The following HARS1 variants were observed in gnomAD, a reference collection of about 807,000 sequenced individuals.
The protein encoded by HARS1 is histidyl-tRNA synthetase 1, also known as histidine--tRNA ligase, cytoplasmic.
HARS1 carries 45 observed loss-of-function variants against 63.6 expected under a neutral mutation model. The ratio of observed to expected loss-of-function variants is 0.71; its 90% CI spans 0.56 to 0.91. The LOEUF is 0.91. HARS1 is among the 40% of genes least tolerant of loss of function. The pLI is 0.00. For missense variants in HARS1, 508 were observed against 643.2 expected (o/e 0.79, Z 2.27); for synonymous variants, 205 against 247.1 (o/e 0.83, Z 1.60).
At chr5:140,674,973 A>G in intron 11 of HARS1, 44 bp downstream of exon 11, 1 of 1,486,018 alleles carries the variant, frequency 6.7e-7, no homozygotes, top group Non-Finnish European at 9.4e-7. Context: ...GTTTGTGTCC[A>G]GCACACCTAA....
intron 12 of HARS1, 102 bp from the exon 13 acceptor site, chr5:140,674,430 C>T (rs1758231299): frequency 3.2e-6 from 3 of 924,754 alleles, no homozygotes; most frequent in Admixed American, 3.8e-5. Context: ...CTTGTCTCAG[C>T]TGGGAGCAGG....
rs1310566605 is a variant in HARS1, at chr5:140,679,065, T to G, written c.459A>C (p.Ala153=). The change falls in exon 5 of 13, where the codon GCA becomes GCC. Residue 153 remains alanine, a synonymous_variant. Transcript: ENST00000504156. This position sits in a 1 kb window ranked among gnomAD's most constrained non-coding sequence, Gnocchi z 4.3. The part of the protein sequence containing the change: ...KLTNIKRYHI[A]KVYRRDNPAM... ...CTGGGTTATCCCGCCGATATACCTT[T>G]GCTATGTGGTAGCGTTTAATGTTGG... The G allele has an allele frequency of 6.2e-7, 1 of 1,614,126 alleles. No individual in the cohort carries two copies.
intron 2 of HARS1, chr5:140,684,358 A>C: frequency 1.0e-6 from 1 of 983,474 alleles, no homozygotes; most frequent in South Asian, 4.7e-5. Flanking sequence ...AAATACCTAC[A>C]TGATTATAGG....
rs1200977462 is a variant in HARS1, at chr5:140,674,810, T to G, written c.1327A>C (p.Lys443Gln). Reference sequence around the variant, plus strand: ...TGGTTCAGTAGCTTTGGGTTCTTCTTGTACAGCAGCTCAGCCTGCAGGGGA... The same window carrying G: ...TGGTTCAGTAGCTTTGGGTTCTTCTGGTACAGCAGCTCAGCCTGCAGGGGA... The part of the protein sequence containing the change: ...DAGIKAELLY[K>Q]KNPKLLNQLQ... Residue 443 changes from lysine to glutamine, a missense_variant, in exon 12 of 13, where the codon AAG becomes CAG. Around this residue, in one of 2 missense-constraint regions of HARS1, gnomAD observed 403 missense variants for 548.7 expected, o/e 0.73. Transcript: ENST00000504156. 6.2e-7 allele frequency: 1 copy of G among 1,614,060 alleles called. No homozygotes were observed. Among genetic ancestry groups the G allele is most frequent in the Non-Finnish European group, 8.5e-7 (1 of 1,180,028 alleles).
At position 140,676,760 on chromosome 5, in the gene HARS1, T is replaced by C. The variant is rs1402131324; in HGVS notation, c.1088A>G (p.Tyr363Cys). ...GTCGAACATGCCCACTAGCCCATCA[T>C]AGCGTCCTCCAGCAGCCACACTGCC... is the stretch of plus-strand genomic sequence containing the variant. ...GVGSVAAGGR[Y>C]DGLVGMFDPK... The change falls in exon 10 of 13, where the codon TAT (tyrosine) becomes TGT (cysteine). Residue 363 changes from tyrosine to cysteine, a missense_variant. Tyr to Cys is a radical substitution (Grantham distance 194, BLOSUM62 -2). Around this residue, in one of 2 missense-constraint regions of HARS1, gnomAD observed 403 missense variants for 548.7 expected, o/e 0.73. Transcript: ENST00000504156. This position sits in a 1 kb window ranked among gnomAD's most constrained non-coding sequence, Gnocchi z 4.1. The C allele has an allele frequency of 1.2e-6, 2 of 1,614,242 alleles. No homozygotes were observed. The highest frequency in any genetic ancestry group is 1.1e-5 in the South Asian group (1 of 91,086).
intron 1 of HARS1, 129 bp downstream of exon 1, chr5:140,691,086 C>T (rs1759395273): frequency 1.1e-6 from 1 of 901,396 alleles, no homozygotes; most frequent in African/African-American, 1.6e-5. Flanking sequence ...GATGTCTCCC[C>T]ACGCAGCCCA....
At chr5:140,688,793 A>G (rs956365951) in intron 2 of HARS1, among the ~76,000 whole-genome samples, 6 of 152,180 alleles carry the variant, frequency 3.9e-5, no homozygotes, top group African/African-American at 1.4e-4. Context: ...GGTGAACAAT[A>G]TGCTTGATGT....
In HARS1 at chr5:140,677,635, T is replaced by G; in HGVS notation, c.729+20A>C. 6.5e-7 allele frequency: 1 copy of G among 1,535,660 alleles called. No homozygotes were observed. The highest frequency in any genetic ancestry group is 9.0e-7 in the Non-Finnish European group (1 of 1,109,014). The stretch of plus-strand genomic sequence containing the variant: ...GCAGGGTGGGATCTGGGAAAAGAAG[T>G]CAAGTACTTGGGTTGTTACCTTGTC... On this transcript the variant is annotated intron_variant, in intron 7 of 12. Coordinates refer to ENST00000504156, the MANE Select transcript of HARS1 (RefSeq NM_002109.6).
In HARS1 at chr5:140,683,201, GA is replaced by G. The variant is rs772544418; in HGVS notation, c.198del (p.Arg68GlyfsTer12). On this transcript the variant is annotated frameshift_variant, in exon 3 of 13. Transcript: ENST00000504156. LOFTEE classifies it high-confidence loss of function. Reference protein sequence around the residue: ...LKTPKGTRDYSPRQMAVREKV... With the variant: ...LKTPKGTRDYXPRQMAVREKV... ...TTCTCGCGAACTGCCATCTGCCGGG[GA>G]CTATAGTCTCTTGTGCCCTTGGAGT... 16 of 1,613,752 alleles carry G rather than the reference GA, an allele frequency of 9.9e-6. No homozygotes were observed. The highest frequency in any genetic ancestry group is 1.3e-5 in the African/African-American group (1 of 74,934).
chr5:140,676,852 A>T lies in HARS1; in HGVS notation c.996T>A (p.Thr332=). 1.9e-6 allele frequency: 3 copies of T among 1,614,166 alleles called. No individual in the cohort carries two copies. Among genetic ancestry groups the T allele is most frequent in the African/African-American group, 1.3e-5 (1 of 75,058 alleles). The change falls in exon 10 of 13, where the codon ACT becomes ACA. Residue 332 remains threonine (T), a synonymous_variant. Transcript: ENST00000504156. The surrounding 1 kb of genome is among the most constrained non-coding windows in gnomAD (Gnocchi z 4.1). ...LSLARGLDYY[T]GVIYEAVLLQ... ...GCAGCACTGCCTCATAGATCACCCC[A>T]GTGTAGTAATCCAGCCCTCGAGCAA... is the stretch of plus-strand genomic sequence containing the variant.
chr5:140,690,044 C>A (rs1452486374), intron 2 of HARS1, among the ~76,000 whole-genome samples: 1 of 152,194 alleles, frequency 6.6e-6, no homozygotes, highest in Non-Finnish European at 1.5e-5. Context: ...TTCATTAGAT[C>A]AGTTAGTATA....
intron 12 of HARS1, 134 bp from the exon 13 acceptor site, chr5:140,674,462 C>A: frequency 2.5e-6 from 2 of 802,272 alleles, no homozygotes; most frequent in South Asian, 1.6e-5. Flanking sequence ...ACACCTCAGG[C>A]TAGAGTGTGC....
intron 2 of HARS1, among the ~76,000 whole-genome samples, chr5:140,686,750 G>GC (rs1486974077): frequency 6.6e-6 from 1 of 151,178 alleles, no homozygotes; most frequent in Admixed American, 6.6e-5. Context: ...ACAAGCATGC[G>GC]CCACCACGCC....
rs753737068 is a variant in HARS1 at position 140,690,859 on chromosome 5, G to A, written c.176C>T (p.Pro59Leu). The A allele has an allele frequency of 1.3e-6, 2 of 1,572,514 alleles. No individual in the cohort carries two copies. The highest frequency in any genetic ancestry group is 2.2e-5 in the East Asian group (1 of 44,674). ...ESKQKFVLKT[P>L]KGTRDYSPRQ... ...TCCCTACAGGAATGATATTACCTTGGGGGTTTTGAGCACAAATTTCTGTTT... is the reference window on the plus strand; with the variant it reads ...TCCCTACAGGAATGATATTACCTTGAGGGTTTTGAGCACAAATTTCTGTTT... The change falls in exon 2 of 13, where the codon CCC becomes CTC. Residue 59 changes from proline (P) to leucine (L), a missense_variant. Pro to Leu is a moderately conservative substitution (Grantham distance 98). Coordinates refer to ENST00000504156, the MANE Select transcript of HARS1 (RefSeq NM_002109.6).
intron 3 of HARS1, among the ~76,000 whole-genome samples, chr5:140,680,663 G>A (rs1401499697): frequency 6.6e-6 from 1 of 151,652 alleles, no homozygotes; most frequent in South Asian, 2.1e-4. Flanking sequence ...GGCCAACATG[G>A]TGAAACCCTG....
Position 140,683,624 on chromosome 5 carries a change from G to A in HARS1, c.181-405C>T, listed in dbSNP as rs1758847375. 4 of 273,378 alleles carry A rather than the reference G, an allele frequency of 1.5e-5. No individual in the cohort carries two copies. In the South Asian group the frequency reaches 3.5e-4, roughly 24 times the overall value. 16.9% of individuals were successfully genotyped at this position (273,378 alleles called of 1,614,324 possible). On this transcript the variant is annotated intron_variant, in intron 2 of 12. Transcript: ENST00000504156. ...AGGCAGATGGATTGCCTGAGGTCAGGGGTTCGAGACCAGCCTGGCCAACAT... is the reference window on the plus strand; with the variant it reads ...AGGCAGATGGATTGCCTGAGGTCAGAGGTTCGAGACCAGCCTGGCCAACAT...
intron 1 of HARS1, 123 bp from the exon 2 acceptor site, chr5:140,691,067 C>A: frequency 1.1e-6 from 1 of 913,744 alleles, no homozygotes; most frequent in Non-Finnish European, 1.8e-6. Context: ...TCTCTCGGGA[C>A]CCACCCCGGA....
At chr5:140,684,401 T>G in intron 2 of HARS1, 1 of 983,348 alleles carries the variant, frequency 1.0e-6, no homozygotes. Flanking sequence ...CTCAACTAAT[T>G]GAATTCCAAA....
In HARS1 at chr5:140,677,694, C is replaced by T. The variant is rs768157379; in HGVS notation, c.690G>A (p.Lys230=). The T allele has an allele frequency of 1.2e-6, 2 of 1,612,342 alleles. No homozygotes were observed. The highest frequency in any genetic ancestry group is 1.7e-6 in the Non-Finnish European group (2 of 1,179,498). The change falls in exon 7 of 13, where the codon AAG becomes AAA. Residue 230 remains lysine, a synonymous_variant. Coordinates refer to ENST00000504156, the MANE Select transcript of HARS1 (RefSeq NM_002109.6). The part of the protein sequence containing the change: ...MFAICGVSDS[K]FRTICSSVDK... ...CTACTGAGGAGCAGATGGTACGGAACTTGCTGTCAGAAACACCACAGATAG... is the reference window on the plus strand; with the variant it reads ...CTACTGAGGAGCAGATGGTACGGAATTTGCTGTCAGAAACACCACAGATAG...
Sources: gnomAD v4.1 joint callset for allele counts (sites outside exome capture counted in the v4.1 genomes callset) on GRCh38, gnomAD v4.1.1 for gene constraint, gnomAD v4.1.1 regional missense constraint, Gnocchi (gnomAD v3.1) non-coding constraint, MANE v1.5 for transcripts, NCBI Gene and HGNC (gene_info 2026-07-23, HGNC 2026-07-21) for gene names.